Variants in ELP4 observed in about 807,000 individuals in gnomAD.
The protein encoded by ELP4 is elongator acetyltransferase complex subunit 4, also known as elongator complex protein 4.
ELP4 carries 51 observed loss-of-function variants against 48.9 expected under a neutral mutation model. The ratio of observed to expected loss-of-function variants is 1.04; its 90% confidence interval spans 0.83 to 1.32. The LOEUF (loss-of-function observed/expected upper bound fraction) is 1.32. Ranked by LOEUF, ELP4 falls within the 40% of genes most tolerant of loss-of-function variation. The pLI is 0.00. For synonymous variants in ELP4, 210 were observed against 189.2 expected (o/e 1.11, Z -0.90); for missense variants, 519 against 514.6 (o/e 1.01, Z -0.08).
chr11:31,622,549 T>C (rs1944647100), intron 5 of ELP4, among the ~76,000 whole-genome samples: 1 of 151,698 alleles, frequency 6.6e-6, no homozygotes, highest in African/African-American at 2.4e-5. Context: ...TGATTCTTTT[T>C]TTTACAGCTA....
chr11:31,581,958 T>C (rs1025267304), intron 3 of ELP4, among the ~76,000 whole-genome samples: 1 of 152,164 alleles, frequency 6.6e-6, no homozygotes, highest in Admixed American at 6.5e-5. Context: ...CTCACTGTTT[T>C]GCCCAGGCTG....
intron 5 of ELP4, among the ~76,000 whole-genome samples, chr11:31,616,365 A>C (rs867341646): frequency 6.6e-6 from 1 of 152,060 alleles, no homozygotes; most frequent in Non-Finnish European, 1.5e-5. Context: ...GGGTATCTAC[A>C]TGCAAAAAAA....
intron 9 of ELP4, among the ~76,000 whole-genome samples, chr11:31,701,638 T>A (rs907192205): frequency 6.6e-6 from 1 of 151,178 alleles, no homozygotes; most frequent in Non-Finnish European, 1.5e-5. Context: ...CCAGTTATGT[T>A]TTTTCCTGTA....
Position 31,627,107 on chromosome 11 carries a change from CAG to C in ELP4, c.654-2_654-1del. The C allele has an allele frequency of 6.3e-7, 1 of 1,597,538 alleles. No homozygotes were observed. Among genetic ancestry groups the C allele is most frequent in the Non-Finnish European group, 8.6e-7 (1 of 1,167,176 alleles). Reference sequence around the variant, plus strand: ...GTATTTGAACCACTTCTTTTACCAACAGTTCTTTGACCCCTGGCTACACAAAG... The same window carrying C: ...GTATTTGAACCACTTCTTTTACCAACTTCTTTGACCCCTGGCTACACAAAG... On this transcript the variant is annotated splice_acceptor_variant, in intron 5 of 9. Transcript: ENST00000640961. LOFTEE classifies it high-confidence loss of function.
At chr11:31,547,836 A>G (rs1367476157) in intron 3 of ELP4, among the ~76,000 whole-genome samples, 4 of 152,146 alleles carry the variant, frequency 2.6e-5, no homozygotes, top group Admixed American at 6.5e-5. Flanking sequence ...TTCAATATAT[A>G]CAAATCAATA....
Position 31,509,956 on chromosome 11 carries a change from A to G in ELP4, c.172A>G (p.Asn58Asp), listed in dbSNP as rs1955951251. The part of the protein sequence containing the change: ...SIAGTRPSVR[N>D]GQLLVSTGLP... ...TGCGGGCACGCGACCGTCGGTGCGG[A>G]ATGGACAGCTGCTGGTATCAACCGG... Residue 58 changes from asparagine (N) to aspartate (D), a missense_variant, in exon 1 of 10, where the codon AAT becomes GAT. Transcript: ENST00000640961. 6.2e-7 allele frequency: 1 copy of G among 1,613,096 alleles called. No homozygotes were observed. Among genetic ancestry groups the G allele is most frequent in the Non-Finnish European group, 8.5e-7 (1 of 1,180,018 alleles).
chr11:31,578,281 G>A (rs1014877021), intron 3 of ELP4, among the ~76,000 whole-genome samples: 23 of 151,932 alleles, frequency 1.5e-4, no homozygotes, highest in East Asian at 5.8e-4. Context: ...ACTGCTCAGC[G>A]AAAGAAGAGA....
intron 9 of ELP4, among the ~76,000 whole-genome samples, chr11:31,708,977 A>G (rs1267470322): frequency 1.3e-5 from 2 of 152,146 alleles, no homozygotes; most frequent in African/African-American, 2.4e-5. Flanking sequence ...TTTCATCAGC[A>G]TTATCCTTTT....
chr11:31,747,949 T>G (rs1162556954), intron 9 of ELP4, among the ~76,000 whole-genome samples: 2 of 152,246 alleles, frequency 1.3e-5, no homozygotes, highest in Admixed American at 6.5e-5. Context: ...CAAACAACTT[T>G]TCTAAAAGAC....
chr11:31,609,407 T>G (rs1957933735), intron 5 of ELP4, among the ~76,000 whole-genome samples: 1 of 152,106 alleles, frequency 6.6e-6, no homozygotes, highest in African/African-American at 2.4e-5. Flanking sequence ...GACTGAGAGA[T>G]AAAATGGGTA....
At chr11:31,526,340 T>G (rs1271928773) in intron 2 of ELP4, among the ~76,000 whole-genome samples, 2 of 152,104 alleles carry the variant, frequency 1.3e-5, no homozygotes, top group African/African-American at 2.4e-5. Context: ...TATTGACTTC[T>G]TAGTTATTTT....
chr11:31,620,859 G>A (rs1245054593), intron 5 of ELP4, among the ~76,000 whole-genome samples: 2 of 151,810 alleles, frequency 1.3e-5, no homozygotes, highest in Non-Finnish European at 2.9e-5. Context: ...GTTTCTGCTG[G>A]TCATTGTTCT....
intron 5 of ELP4, among the ~76,000 whole-genome samples, chr11:31,610,877 T>A (rs1440061304): frequency 6.6e-6 from 1 of 152,214 alleles, no homozygotes; most frequent in Non-Finnish European, 1.5e-5. Context: ...GTTATGTTTA[T>A]GTATATCCTT....
chr11:31,625,656 A>T (rs1944728145), intron 5 of ELP4, among the ~76,000 whole-genome samples: 1 of 151,808 alleles, frequency 6.6e-6, no homozygotes, highest in Non-Finnish European at 1.5e-5. Context: ...TATATTTTTT[A>T]TCCACTCTCC....
intron 5 of ELP4, among the ~76,000 whole-genome samples, chr11:31,610,692 T>A (rs1957963392): frequency 6.6e-6 from 1 of 152,248 alleles, no homozygotes; most frequent in Non-Finnish European, 1.5e-5. Context: ...GCTTGCATGT[T>A]TGCCTTGTTT....
In ELP4 at chr11:31,788,185, A is replaced by G. The variant is rs1948808264; in HGVS notation, c.*4661A>G. Reference sequence around the variant, plus strand: ...TTAAACATGATCAGAACTGTGCTTCATTGCAAATAACAACTGACCAACAAT... The same window carrying G: ...TTAAACATGATCAGAACTGTGCTTCGTTGCAAATAACAACTGACCAACAAT... On this transcript the variant is annotated 3_prime_UTR_variant, in exon 10 of 10. Coordinates refer to ENST00000640961, the MANE Select transcript of ELP4 (RefSeq NM_019040.5). The G allele has an allele frequency of 4.4e-6, 1 of 226,424 alleles. No homozygotes were observed. The highest frequency in any genetic ancestry group is 8.8e-6 in the Non-Finnish European group (1 of 113,770). The allele number at this position is 226,424 out of a possible 1,614,324, so 14.0% of individuals were successfully genotyped here.
At chr11:31,539,546 CAT>C (rs1956559954) in intron 2 of ELP4, 114 bp from the exon 3 acceptor site, 1 of 1,031,916 alleles carries the variant, frequency 9.7e-7, no homozygotes, top group Middle Eastern at 3.3e-4. Flanking sequence ...TGTTCCACCT[CAT>C]ATACTTGTTT....
intron 9 of ELP4, among the ~76,000 whole-genome samples, chr11:31,754,279 G>A (rs542135645): frequency 2.6e-5 from 4 of 152,008 alleles, no homozygotes; most frequent in South Asian, 2.1e-4. Flanking sequence ...CTCAGAACAC[G>A]CCAGTGGCTT....
intron 9 of ELP4, among the ~76,000 whole-genome samples, chr11:31,748,243 C>CTTTTTTT (rs374889218): frequency 7.7e-6 from 1 of 130,562 alleles, no homozygotes. Context: ...AAACCAAGAT[C>CTTTTTTT]TTTTTTTTTT....
Sources: allele counts gnomAD v4.1 joint callset (sites outside exome capture counted in the v4.1 genomes callset), GRCh38; gene constraint gnomAD v4.1.1; transcripts MANE v1.5; gene names NCBI Gene and HGNC (gene_info 2026-07-23, HGNC 2026-07-21).